NCKAP5: variants seen among roughly 807,000 people sequenced by gnomAD.
NCKAP5 encodes the protein NCK associated protein 5.
Under a neutral mutation model 167.0 loss-of-function variants are expected in NCKAP5, and 92 were observed. The ratio of observed to expected loss-of-function variants is 0.55; its 90% CI spans 0.47 to 0.66. The LOEUF (loss-of-function observed/expected upper bound fraction) is 0.66, where lower values mean the gene tolerates loss of function less well. Among genes scored for constraint, NCKAP5 ranks in the 30% least tolerant of loss-of-function variants. NCKAP5 has a pLI of 0.00. For missense variants in NCKAP5, 2,378 were observed against 2,315.0 expected (o/e 1.03, Z -0.56); for synonymous variants, 891 against 877.4 (o/e 1.02, Z -0.27).
the NCKAP5 span, among the ~76,000 whole-genome samples, chr2:133,612,211 C>T: frequency 6.6e-6 from 1 of 152,102 alleles, no homozygotes; most frequent in Non-Finnish European, 1.5e-5. Flanking sequence ...AAAAGACTTC[C>T]AGAGAGATGC....
chr2:133,107,474 C>T (rs749404719), intron 6 of NCKAP5, among the ~76,000 whole-genome samples: 1 of 152,190 alleles, frequency 6.6e-6, no homozygotes, highest in South Asian at 2.1e-4. Context: ...AATGTAAATA[C>T]ATGTGTTAAT....
At chr2:133,286,472 T>C (rs923893562) in intron 4 of NCKAP5, among the ~76,000 whole-genome samples, 26 of 152,222 alleles carry the variant, frequency 1.7e-4, no homozygotes, top group African/African-American at 5.1e-4. Flanking sequence ...TAATGACTTA[T>C]ATTCTTTGAG....
the NCKAP5 span, among the ~76,000 whole-genome samples, chr2:133,605,994 G>A: frequency 6.6e-6 from 1 of 152,118 alleles, no homozygotes; most frequent in Non-Finnish European, 1.5e-5. Flanking sequence ...CTATCTCTTT[G>A]CATATGCCAC....
intron 5 of NCKAP5, among the ~76,000 whole-genome samples, chr2:133,198,125 T>C (rs2085518086): frequency 6.6e-6 from 1 of 152,064 alleles, no homozygotes; most frequent in Non-Finnish European, 1.5e-5. Context: ...TGAAAATATA[T>C]AGATAGGCAT....
intron 19 of NCKAP5, among the ~76,000 whole-genome samples, chr2:132,688,611 C>T (rs1295701927): frequency 2.0e-5 from 3 of 152,060 alleles, no homozygotes; most frequent in Admixed American, 6.5e-5. Flanking sequence ...TCTTAGCCTG[C>T]GGGGTTGGGC....
rs115140208 is a variant in NCKAP5 at position 132,763,721 on chromosome 2, G to A, written c.5128+10095C>T. On this transcript the variant is annotated intron_variant, in intron 16 of 19. Transcript: ENST00000409261. Reference sequence around the variant, plus strand: ...CCAATGCTCCCAGTTCCACTAAAGCGGGGCTCTGCACTCTGCTCTGTGCCA... The same window carrying A: ...CCAATGCTCCCAGTTCCACTAAAGCAGGGCTCTGCACTCTGCTCTGTGCCA... Among the ~76,000 whole-genome samples, 1,041 of 152,284 alleles carry A rather than the reference G, an allele frequency of 6.8e-3. 5 individuals are homozygous for A. Among genetic ancestry groups the A allele is most frequent in the Middle Eastern group, 0.02 (6 of 294 alleles).
intron 4 of NCKAP5, among the ~76,000 whole-genome samples, chr2:133,261,079 A>T (rs906743142): frequency 1.3e-5 from 2 of 152,244 alleles, no homozygotes; most frequent in Non-Finnish European, 2.9e-5. Flanking sequence ...GGTATTTGCA[A>T]TGAAAATGAG....
At chr2:132,822,833 C>A (rs1374420594) in intron 11 of NCKAP5, among the ~76,000 whole-genome samples, 3 of 151,944 alleles carry the variant, frequency 2.0e-5, no homozygotes, top group African/African-American at 7.3e-5. Flanking sequence ...ACAAAATTAT[C>A]CAGAGAAATA....
chr2:132,878,661 C>CAT (rs1393588231), intron 9 of NCKAP5, among the ~76,000 whole-genome samples, 187 bp downstream of exon 9: 1 of 147,504 alleles, frequency 6.8e-6, no homozygotes, highest in Non-Finnish European at 1.5e-5. Flanking sequence ...CACACGCACG[C>CAT]ATACACACAC....
intron 3 of NCKAP5, among the ~76,000 whole-genome samples, chr2:133,435,787 T>G (rs575483196): frequency 5.7e-4 from 87 of 152,240 alleles, no homozygotes; most frequent in African/African-American, 2.0e-3. Context: ...TCACTTGATA[T>G]CTCTGTTCTT....
intron 15 of NCKAP5, among the ~76,000 whole-genome samples, chr2:132,775,778 T>C (rs1389800720): frequency 5.3e-5 from 8 of 152,230 alleles, no homozygotes; most frequent in Admixed American, 2.0e-4. Context: ...TCCTCTTTTA[T>C]AGAACAACAA....
intron 19 of NCKAP5, among the ~76,000 whole-genome samples, chr2:132,680,086 CA>C (rs1427118138): frequency 2.0e-5 from 3 of 152,132 alleles, no homozygotes; most frequent in Non-Finnish European, 4.4e-5. Context: ...GACCCCTCCA[CA>C]CTTTTCTCAA....
At chr2:133,303,133 A>G (rs1441366915) in intron 3 of NCKAP5, 23 bp from the exon 4 acceptor site, 26 of 1,543,058 alleles carry the variant, frequency 1.7e-5, no homozygotes, top group Admixed American at 7.6e-5. Flanking sequence ...ACAAAGACAG[A>G]TGAAAACTCA....
chr2:133,512,554 C>G (rs776684689), intron 3 of NCKAP5, among the ~76,000 whole-genome samples: 1 of 152,220 alleles, frequency 6.6e-6, no homozygotes, highest in East Asian at 1.9e-4. Flanking sequence ...GTTGTAACTA[C>G]TCACGTGGCC....
chr2:133,163,164 G>T (rs2083866965), intron 5 of NCKAP5, among the ~76,000 whole-genome samples: 2 of 152,152 alleles, frequency 1.3e-5, no homozygotes, highest in African/African-American at 4.8e-5. Context: ...ACCTCCAGAG[G>T]AATTAAAGGG....
chr2:133,541,028 T>A (rs1686189807), intron 2 of NCKAP5, among the ~76,000 whole-genome samples: 1 of 150,564 alleles, frequency 6.6e-6, no homozygotes, highest in South Asian at 2.1e-4. Flanking sequence ...TTAAAGGGTA[T>A]AAAGATACTA....
At chr2:133,667,494 T>C in the NCKAP5 span, among the ~76,000 whole-genome samples, 2 of 152,038 alleles carry the variant, frequency 1.3e-5, no homozygotes, top group African/African-American at 4.8e-5. Context: ...CCCAGGTTGT[T>C]TTCCACTCAG....
At chr2:133,477,270 T>G (rs1680003910) in intron 3 of NCKAP5, among the ~76,000 whole-genome samples, 1 of 152,226 alleles carries the variant, frequency 6.6e-6, no homozygotes, top group African/African-American at 2.4e-5. Flanking sequence ...CAGAGCTGGT[T>G]GCTCCTGCTG....
chr2:132,864,021 C>T (rs1290588591), intron 10 of NCKAP5, among the ~76,000 whole-genome samples: 2 of 152,180 alleles, frequency 1.3e-5, no homozygotes, highest in Non-Finnish European at 2.9e-5. Flanking sequence ...CTGCATGATA[C>T]ATTTAGGCTG....
Sources: allele counts gnomAD v4.1 joint callset (sites outside exome capture counted in the v4.1 genomes callset), GRCh38; gene constraint gnomAD v4.1.1; transcripts MANE v1.5; gene names NCBI Gene and HGNC (gene_info 2026-07-23, HGNC 2026-07-21).